The following BFSP1 variants were observed in gnomAD, a reference collection of about 807,000 sequenced individuals.
The protein encoded by BFSP1 is filensin.
In BFSP1, 38 loss-of-function variants were observed where a neutral mutation model predicts 43.9. The observed-to-expected ratio is 0.87, with a 90% CI of 0.67 to 1.14. The LOEUF is 1.14. BFSP1 is among the 50% of genes most tolerant of loss of function. The pLI, the probability that BFSP1 is intolerant of heterozygous loss-of-function variation, is 0.00. For missense variants in BFSP1, 850 were observed against 875.1 expected (o/e 0.97, Z 0.36); for synonymous variants, 352 against 354.8 (o/e 0.99, Z 0.09).
intron 5 of BFSP1, among the ~76,000 whole-genome samples, chr20:17,502,287 C>T (rs2033822884): frequency 6.6e-6 from 1 of 152,190 alleles, no homozygotes; most frequent in South Asian, 2.1e-4. Flanking sequence ...TAACGAAATA[C>T]TCAGGACACA....
At chr20:17,531,764 T>G (rs2034547393), upstream of BFSP1, among the ~76,000 whole-genome samples, 1 of 152,182 alleles carries the variant, frequency 6.6e-6, no homozygotes. Flanking sequence ...GCATTCAAAC[T>G]CAATTGTAGA....
Position 17,541,334 on chromosome 20 carries a change from T to C in BFSP1, c.3-16426A>G, listed in dbSNP as rs2034714343. The C allele has an allele frequency of 4.6e-6, 4 of 864,824 alleles. No individual in the cohort carries two copies. The South Asian group carries it at 1.6e-4, about 35-fold the overall frequency. 53.6% of individuals were successfully genotyped at this position (864,824 alleles called of 1,614,324 possible). On this transcript the variant is annotated intron_variant, in intron 1 of 7. Coordinates refer to the BFSP1 transcript ENST00000377868. ...TAGTGCTTGGCCAAAGATGGATCAT[T>C]ACAAGGGATCTTACCAGCAGTTCCA... is the stretch of plus-strand genomic sequence containing the variant.
intron 5 of BFSP1, among the ~76,000 whole-genome samples, chr20:17,506,090 G>A (rs1456339635): frequency 6.6e-6 from 1 of 152,162 alleles, no homozygotes; most frequent in African/African-American, 2.4e-5. Flanking sequence ...GCAGGAAGAG[G>A]GTTCAGAGTT....
Position 17,494,492 on chromosome 20 carries a change from C to T in BFSP1, c.1580G>A (p.Gly527Asp). The change falls in exon 8 of 8, where the codon GGT (glycine) becomes GAT (aspartate). Residue 527 changes from glycine to aspartate, a missense_variant. By Grantham distance (94) the Gly-to-Asp change is moderately conservative (BLOSUM62 -1). Coordinates refer to ENST00000377873, the MANE Select transcript of BFSP1 (RefSeq NM_001195.5). The stretch of plus-strand genomic sequence containing the variant: ...TTGTCCATCTTCTTTCTCCTGCAGA[C>T]CCACCTGCCCATTCTCTAAAGGGGG... Reference protein sequence around the residue: ...PKPPLENGQVGLQEKEDGQPI... With the variant: ...PKPPLENGQVDLQEKEDGQPI... 1.2e-6 allele frequency: 2 copies of T among 1,614,206 alleles called. No individual in the cohort carries two copies. Among genetic ancestry groups the T allele is most frequent in the African/African-American group, 1.3e-5 (1 of 75,048 alleles).
chr20:17,546,206 G>A (rs1483341676), intron 1 of BFSP1, among the ~76,000 whole-genome samples: 3 of 152,112 alleles, frequency 2.0e-5, no homozygotes, highest in Non-Finnish European at 2.9e-5. Context: ...TGGCAGAAGG[G>A]GAAGCAGGCA....
chr20:17,560,159 T>TA (rs770104646), upstream of BFSP1, among the ~76,000 whole-genome samples: 2 of 151,664 alleles, frequency 1.3e-5, no homozygotes, highest in South Asian at 4.2e-4. Flanking sequence ...CCAAAGAAAA[T>TA]AAAAAAACAG....
chr20:17,510,571 G>A (rs75293132), intron 4 of BFSP1, among the ~76,000 whole-genome samples: 9,656 of 152,264 alleles, frequency 0.063, 360 homozygotes, highest in Middle Eastern at 0.092. Flanking sequence ...CTTTCCTGTC[G>A]CTTAGATGAT....
intron 1 of BFSP1, among the ~76,000 whole-genome samples, chr20:17,548,984 T>A (rs1056237260): frequency 2.0e-5 from 3 of 152,142 alleles, no homozygotes; most frequent in African/African-American, 7.2e-5. Context: ...GTTTTTAAAT[T>A]ATTTTTTGTA....
intron 1 of BFSP1, chr20:17,558,609 C>G: frequency 6.8e-7 from 1 of 1,470,956 alleles, no homozygotes; most frequent in Non-Finnish European, 9.2e-7. Flanking sequence ...ACGGGAGTTT[C>G]TTTCCTAGAG....
chr20:17,544,788 G>A (rs374645094), intron 1 of BFSP1, among the ~76,000 whole-genome samples: 128 of 152,252 alleles, frequency 8.4e-4, no homozygotes, highest in African/African-American at 2.9e-3. Flanking sequence ...TCATGAAAAC[G>A]TAAAACATCC....
chr20:17,520,153 C>G (rs113586841), intron 2 of BFSP1, among the ~76,000 whole-genome samples: 1 of 152,062 alleles, frequency 6.6e-6, no homozygotes, highest in Non-Finnish European at 1.5e-5. Flanking sequence ...CAGCAGATGC[C>G]AGACCTACTG....
Position 17,558,585 on chromosome 20 carries a change from T to G in BFSP1, c.2+103A>C, listed in dbSNP as rs576588221. ...GTCATAAAACAAATGTGCAACCCGC[T>G]TGCTGTACCTTCTACGGGAGTTTCT... On this transcript the variant is annotated intron_variant, in intron 1 of 7. Transcript: ENST00000377868. The G allele has an allele frequency of 3.0e-5, 39 of 1,289,124 alleles. No homozygotes were observed. The African/African-American group carries it at 4.7e-4, about 15-fold the overall frequency. 79.9% of individuals were successfully genotyped at this position (1,289,124 alleles called of 1,614,324 possible).
intron 4 of BFSP1, 93 bp downstream of exon 4, chr20:17,511,883 C>T: frequency 1.8e-6 from 2 of 1,115,960 alleles, no homozygotes; most frequent in Non-Finnish European, 1.3e-6. Context: ...CTGGTGGCCG[C>T]CCTCACAGTC....
intron 4 of BFSP1, among the ~76,000 whole-genome samples, chr20:17,509,371 C>A (rs201936): frequency 7.2e-4 from 110 of 152,170 alleles, no homozygotes; most frequent in Admixed American, 1.5e-3. Flanking sequence ...TTCCAGCACC[C>A]AGGACAGTGA....
chr20:17,556,127 T>C (rs996011224), intron 1 of BFSP1, among the ~76,000 whole-genome samples: 3 of 152,054 alleles, frequency 2.0e-5, no homozygotes, highest in Non-Finnish European at 4.4e-5. Context: ...TGAGAAAAAA[T>C]AAAGTTAGGT....
chr20:17,508,816 C>A, intron 5 of BFSP1, 73 bp downstream of exon 5: 7 of 1,325,568 alleles, frequency 5.3e-6, no homozygotes, highest in Admixed American at 2.8e-5. Flanking sequence ...AAGCTGCATG[C>A]GTGTGCCTGC....
rs752902567 is a variant in BFSP1 at position 17,494,129 on chromosome 20, G to A, written c.1943C>T (p.Thr648Ile). The A allele has an allele frequency of 2.5e-6, 4 of 1,614,034 alleles. No homozygotes were observed. The Admixed American group carries it at 6.7e-5, about 27-fold the overall frequency. The change falls in exon 8 of 8, where the codon ACC (threonine) becomes ATC (isoleucine). Residue 648 changes from threonine to isoleucine, a missense_variant. Coordinates refer to ENST00000377873, the MANE Select transcript of BFSP1 (RefSeq NM_001195.5). Reference protein sequence around the residue: ...TYEETAVIVETMIGKTKSDKK... With the variant: ...TYEETAVIVEIMIGKTKSDKK... The stretch of plus-strand genomic sequence containing the variant: ...GTCTGACTTTGTCTTTCCAATCATG[G>A]TCTCCACGATCACAGCGGTTTCTTC...
chr20:17,552,184 G>C (rs977822715), intron 1 of BFSP1, among the ~76,000 whole-genome samples: 2 of 152,090 alleles, frequency 1.3e-5, no homozygotes, highest in African/African-American at 4.8e-5. Flanking sequence ...TAGACAGGGT[G>C]GTCAGAGAAG....
At chr20:17,519,229 A>G (rs2034267464) in intron 2 of BFSP1, among the ~76,000 whole-genome samples, 1 of 152,192 alleles carries the variant, frequency 6.6e-6, no homozygotes, top group Non-Finnish European at 1.5e-5. Flanking sequence ...AACATTACAA[A>G]TTTTAGAAAT....
Sources: allele counts gnomAD v4.1 joint callset (sites outside exome capture counted in the v4.1 genomes callset), GRCh38; gene constraint gnomAD v4.1.1; transcripts MANE v1.5; gene names NCBI Gene and HGNC (gene_info 2026-07-23, HGNC 2026-07-21).